The following DACH2 variants were observed in gnomAD, a reference collection of about 807,000 sequenced individuals.
DACH2 encodes dachshund homolog 2.
Under a neutral mutation model 35.8 loss-of-function variants are expected in DACH2, and 17 were observed. That is an observed-to-expected ratio of 0.48 (90% CI 0.33 to 0.71). The LOEUF is 0.71. Among genes scored for constraint, DACH2 ranks in the 30% least tolerant of loss-of-function variants. The pLI is 0.02. For synonymous variants in DACH2, 195 were observed against 177.3 expected (o/e 1.10, Z -0.79); for missense variants, 469 against 472.7 (o/e 0.99, Z 0.07).
chrX:86,753,054 G>T (rs1469881166), intron 7 of DACH2, among the ~76,000 whole-genome samples: 1 of 48,555 alleles, frequency 2.1e-5, no homozygotes, highest in Non-Finnish European at 4.1e-5. Context: ...CTTATTAAAA[G>T]TACACACACA....
intron 1 of DACH2, among the ~76,000 whole-genome samples, chrX:86,240,517 G>A (rs1447705655): frequency 9.2e-6 from 1 of 108,113 alleles, no homozygotes; most frequent in Non-Finnish European, 1.9e-5. Flanking sequence ...CACCCAGTCT[G>A]GAGTGCAGTG....
intron 1 of DACH2, among the ~76,000 whole-genome samples, chrX:86,369,890 TTA>T (rs2035861194): frequency 9.0e-6 from 1 of 111,470 alleles, no homozygotes; most frequent in Non-Finnish European, 1.9e-5. Context: ...TCATAATTAA[TTA>T]TGTTAATCAG....
intron 2 of DACH2, among the ~76,000 whole-genome samples, chrX:86,483,753 G>A (rs894167115): frequency 9.0e-6 from 1 of 111,083 alleles, no homozygotes; most frequent in Admixed American, 9.6e-5. Context: ...GATTGCTTGA[G>A]CCTGGGAGGC....
At chrX:86,286,076 A>G (rs2034138534) in intron 1 of DACH2, among the ~76,000 whole-genome samples, 1 of 108,742 alleles carries the variant, frequency 9.2e-6, no homozygotes, top group Admixed American at 9.8e-5. Flanking sequence ...GTAGGCAACA[A>G]ATCAATGGTT....
chrX:86,750,536 T>G (rs936354771), intron 7 of DACH2, among the ~76,000 whole-genome samples: 23 of 112,126 alleles, frequency 2.1e-4, no homozygotes, highest in African/African-American at 7.4e-4. Flanking sequence ...GCAGATCTCT[T>G]GAACTTATTC....
At chrX:86,289,885 T>A (rs1369433764) in intron 1 of DACH2, among the ~76,000 whole-genome samples, 1 of 109,007 alleles carries the variant, frequency 9.2e-6, no homozygotes, top group Non-Finnish European at 1.9e-5. Flanking sequence ...TAAACATACG[T>A]GTGCATGTGT....
At chrX:86,403,654 C>A (rs1352005982) in intron 2 of DACH2, among the ~76,000 whole-genome samples, 1 of 112,004 alleles carries the variant, frequency 8.9e-6, no homozygotes, top group Non-Finnish European at 1.9e-5. Context: ...GAATTTAAAT[C>A]AGATCTACCA....
chrX:86,166,674 C>T (rs1383130160), intron 1 of DACH2, among the ~76,000 whole-genome samples: 1 of 111,130 alleles, frequency 9.0e-6, no homozygotes, highest in Non-Finnish European at 1.9e-5. Context: ...AGTTTTTCCC[C>T]ATTTAGTATG....
In DACH2 at chrX:86,205,451, TC is replaced by T. The variant is rs1454340098; in HGVS notation, c.488+56346del. On this transcript the variant is annotated intron_variant, in intron 1 of 11. Coordinates refer to ENST00000373125, the MANE Select transcript of DACH2 (RefSeq NM_053281.3). ...CCTCCCTCCTCCCTCCCTCCCTCCC[TC>T]CCTCCCTCCCTCCCTCCTTCCCTCC... is the stretch of plus-strand genomic sequence containing the variant. Among the ~76,000 whole-genome samples the T allele has an allele frequency of 1.2e-4, 3 of 24,205 alleles. No individual in the cohort carries two copies. The African/African-American group carries it at 1.3e-3, about 11-fold the overall frequency. 21.0% of individuals were successfully genotyped at this position (24,205 alleles called of 115,157 possible).
chrX:86,468,640 C>T (rs747012238), intron 2 of DACH2, among the ~76,000 whole-genome samples: 1 of 111,577 alleles, frequency 9.0e-6, no homozygotes, highest in South Asian at 3.7e-4. Flanking sequence ...TATGCCGATT[C>T]CAAGTATGTT....
intron 11 of DACH2, 126 bp from the exon 12 acceptor site, chrX:86,831,980 A>G: frequency 2.3e-6 from 1 of 430,664 alleles, no homozygotes; most frequent in East Asian, 4.0e-5. Flanking sequence ...GTTAAATTTT[A>G]CCAACACTAA....
At chrX:86,265,947 ATGTGTGTATGTG>A (rs1257332178) in intron 1 of DACH2, among the ~76,000 whole-genome samples, 1 of 111,248 alleles carries the variant, frequency 9.0e-6, no homozygotes, top group African/African-American at 3.3e-5. Flanking sequence ...ACGTATGTGC[ATGTGTGTATGTG>A]TGTGTGTATG....
chrX:86,385,528 A>G (rs781394727), intron 2 of DACH2, among the ~76,000 whole-genome samples: 1 of 111,890 alleles, frequency 8.9e-6, no homozygotes, highest in African/African-American at 3.2e-5. Context: ...ATTAGGTATT[A>G]TAAGTAATTT....
chrX:86,463,612 T>C (rs935713144), intron 2 of DACH2, among the ~76,000 whole-genome samples: 1 of 111,302 alleles, frequency 9.0e-6, no homozygotes, highest in Admixed American at 9.6e-5. Flanking sequence ...GACACAGGCA[T>C]GGGCAAAGAC....
rs764501329 is a variant in DACH2, at chrX:86,315,438, G to A, written c.489-61386G>A. The stretch of plus-strand genomic sequence containing the variant: ...CTGCTAACATAGCATCCATTCTGCA[G>A]CCCATGGATCAAGGAGCAATTTCGA... On this transcript the variant is annotated intron_variant, in intron 1 of 11. Transcript: ENST00000373125. 1.2e-4 allele frequency among the ~76,000 whole-genome samples: 13 copies of A among 112,167 alleles called. No homozygotes were observed. In the East Asian group the frequency reaches 2.8e-3, roughly 24 times the overall value.
chrX:86,746,331 T>A (rs1055744401), intron 7 of DACH2, among the ~76,000 whole-genome samples: 1 of 111,592 alleles, frequency 9.0e-6, no homozygotes, highest in Admixed American at 9.5e-5. Context: ...ACTACCACAC[T>A]CTTTGCCAAA....
intron 1 of DACH2, among the ~76,000 whole-genome samples, chrX:86,230,811 C>T (rs1372809499): frequency 9.0e-6 from 1 of 111,433 alleles, no homozygotes; most frequent in Non-Finnish European, 1.9e-5. Context: ...TTTTGTATTT[C>T]AGTGTTGTCA....
rs747704121 is a variant in DACH2 at position 86,173,905 on chromosome X, G to A, written c.488+24797G>A. ...GCTTAGACCATAGTGGTAGAGTAGAGGTGATAACAATTGGTCAGAGTCTGG... is the reference window on the plus strand; with the variant it reads ...GCTTAGACCATAGTGGTAGAGTAGAAGTGATAACAATTGGTCAGAGTCTGG... On this transcript the variant is annotated intron_variant, in intron 1 of 11. Transcript: ENST00000373125. Among the ~76,000 whole-genome samples the A allele has an allele frequency of 2.7e-5, 3 of 111,251 alleles. No homozygotes were observed. In the South Asian group the frequency reaches 1.2e-3, roughly 43 times the overall value.
chrX:86,675,756 T>TC lies in DACH2; in HGVS notation c.773-19264dup, dbSNP rs199584274. The stretch of plus-strand genomic sequence containing the variant: ...GAGTCTGAAATTAAGAGTTTTTTTT[T>TC]CTTTTTTTACTTAAAAGTATACAAT... On this transcript the variant is annotated intron_variant, in intron 4 of 11. Transcript: ENST00000373125. 9.9e-5 allele frequency among the ~76,000 whole-genome samples: 11 copies of TC among 111,572 alleles called. No individual in the cohort carries two copies. The East Asian group carries it at 1.1e-3, about 11-fold the overall frequency.
Sources: gnomAD v4.1 joint callset for allele counts (sites outside exome capture counted in the v4.1 genomes callset) on GRCh38, gnomAD v4.1.1 for gene constraint, MANE v1.5 for transcripts, NCBI Gene and HGNC (gene_info 2026-07-23, HGNC 2026-07-21) for gene names.